RIMS4: variants seen among roughly 807,000 people sequenced by gnomAD.
RIMS4 encodes the protein regulating synaptic membrane exocytosis protein 4.
Under a neutral mutation model 29.0 loss-of-function variants are expected in RIMS4, and 9 were observed. The ratio of observed to expected loss-of-function variants is 0.31; its 90% CI spans 0.19 to 0.54. The LOEUF is 0.54. Ranked by LOEUF, RIMS4 falls within the 20% of genes least tolerant of loss-of-function variation. The pLI is 0.94. For synonymous variants in RIMS4, 130 were observed against 152.9 expected (o/e 0.85, Z 1.10); for missense variants, 193 against 365.7 (o/e 0.53, Z 3.85).
rs894986782 is a variant in RIMS4 at position 44,790,558 on chromosome 20, G to C, written c.98-19145C>G. ...TGAATGTCCGCGTCTATGTTTACCC[G>C]CTGCCACTCCAGGCTGTGACAATGC... On this transcript the variant is annotated intron_variant, in intron 1 of 5. Transcript: ENST00000372851. Among the ~76,000 whole-genome samples, 6 of 152,314 alleles carry C rather than the reference G, an allele frequency of 3.9e-5. No homozygotes were observed. In the South Asian group the frequency reaches 8.3e-4, roughly 21 times the overall value.
intron 2 of RIMS4, among the ~76,000 whole-genome samples, chr20:44,758,669 G>A (rs2066071337): frequency 6.6e-6 from 1 of 152,172 alleles, no homozygotes; most frequent in African/African-American, 2.4e-5. Flanking sequence ...CCTGAGACTG[G>A]GCCTCCAGCT....
Position 44,755,167 on chromosome 20 carries a change from G to A in RIMS4, c.*967C>T, listed in dbSNP as rs1035080134. ...CTCTATTTGCCTCCCCAGCCCCCTG[G>A]CCTGGAGGCAGGGTGGGTAGACAGG... On this transcript the variant is annotated 3_prime_UTR_variant, in exon 6 of 6. Transcript: ENST00000372851. 3.3e-5 allele frequency: 5 copies of A among 152,506 alleles called. No individual in the cohort carries two copies. Among genetic ancestry groups the A allele is most frequent in the African/African-American group, 1.2e-4 (5 of 41,420 alleles). The allele number at this position is 152,506 out of a possible 1,614,324, so 9.4% of individuals were successfully genotyped here. A position where few individuals can be genotyped will look rare whatever the true frequency, so the allele number is the denominator to read the frequency against.
At chr20:44,768,519 C>T (rs986142057) in intron 2 of RIMS4, among the ~76,000 whole-genome samples, 1 of 152,194 alleles carries the variant, frequency 6.6e-6, no homozygotes, top group African/African-American at 2.4e-5. Context: ...GCCCAAAATG[C>T]CTACAGAACA....
chr20:44,773,351 T>C (rs1380620629), intron 1 of RIMS4, among the ~76,000 whole-genome samples: 1 of 152,126 alleles, frequency 6.6e-6, no homozygotes, highest in Non-Finnish European at 1.5e-5. Context: ...TATTTCTCTG[T>C]GTACAGCAGG....
intron 1 of RIMS4, among the ~76,000 whole-genome samples, chr20:44,807,948 A>G (rs1205019511): frequency 6.6e-6 from 1 of 152,052 alleles, no homozygotes; most frequent in Non-Finnish European, 1.5e-5. Flanking sequence ...TCTACACAGT[A>G]AGGTCTGGAT....
At chr20:44,808,547 T>C (rs1215508456) in intron 1 of RIMS4, among the ~76,000 whole-genome samples, 5 of 152,214 alleles carry the variant, frequency 3.3e-5, no homozygotes, top group African/African-American at 1.2e-4. Context: ...AGAATAATAA[T>C]ACAACCTCCC....
Position 44,756,786 on chromosome 20 carries a change from C to T in RIMS4, c.591+112G>A. On this transcript the variant is annotated intron_variant, in intron 5 of 5. Coordinates refer to ENST00000372851, the MANE Select transcript of RIMS4 (RefSeq NM_182970.4). This position sits in a 1 kb window ranked among gnomAD's most constrained non-coding sequence, Gnocchi z 5.9. ...AACTGAGGGCCTCGCCTGTTTCCTC[C>T]AGGCGAGGCCCTCCAGAGACACCCC... is the stretch of plus-strand genomic sequence containing the variant. 9.7e-7 allele frequency: 1 copy of T among 1,035,594 alleles called. No homozygotes were observed. Among genetic ancestry groups the T allele is most frequent in the South Asian group, 2.3e-5 (1 of 43,816 alleles). 64.2% of individuals were successfully genotyped at this position (1,035,594 alleles called of 1,614,324 possible).
In RIMS4 at chr20:44,777,201, C is replaced by T. The variant is rs370470063; in HGVS notation, c.98-5788G>A. On this transcript the variant is annotated intron_variant, in intron 1 of 5. Coordinates refer to ENST00000372851, the MANE Select transcript of RIMS4 (RefSeq NM_182970.4). ...CTTCCATTCAGCACCAGGGATAGCGCCCACACTGCCCATCCCCACTGAAAG... is the reference window on the plus strand; with the variant it reads ...CTTCCATTCAGCACCAGGGATAGCGTCCACACTGCCCATCCCCACTGAAAG... Among the ~76,000 whole-genome samples the T allele has an allele frequency of 3.3e-5, 5 of 152,244 alleles. No homozygotes were observed. In the East Asian group the frequency reaches 9.6e-4, roughly 29 times the overall value.
intron 1 of RIMS4, among the ~76,000 whole-genome samples, chr20:44,772,537 G>C (rs2066141602): frequency 6.6e-6 from 1 of 152,182 alleles, no homozygotes; most frequent in Admixed American, 6.5e-5. Flanking sequence ...ACCCAAAACA[G>C]GAGGCACGGA....
rs1340653136 is a variant in RIMS4, at chr20:44,753,646, C to G, written c.*2488G>C. ...GGATGGGCTTGAAGCTTCTCCGAAGCTAATGATGAAAATGTCACTCTCCTC... is the reference window on the plus strand; with the variant it reads ...GGATGGGCTTGAAGCTTCTCCGAAGGTAATGATGAAAATGTCACTCTCCTC... On this transcript the variant is annotated 3_prime_UTR_variant, in exon 6 of 6. Coordinates refer to ENST00000372851, the MANE Select transcript of RIMS4 (RefSeq NM_182970.4). The G allele has an allele frequency of 1.3e-5, 2 of 152,570 alleles. No homozygotes were observed. Among genetic ancestry groups the G allele is most frequent in the East Asian group, 1.9e-4 (1 of 5,188 alleles). 9.5% of individuals were successfully genotyped at this position (152,570 alleles called of 1,614,324 possible). A position where few individuals can be genotyped will look rare whatever the true frequency, so the allele number is the denominator to read the frequency against.
intron 1 of RIMS4, among the ~76,000 whole-genome samples, chr20:44,794,071 A>C (rs1324887127): frequency 1.3e-5 from 2 of 152,144 alleles, no homozygotes; most frequent in African/African-American, 2.4e-5. Flanking sequence ...CCCTGTCTCT[A>C]AAAATAAAGG....
chr20:44,764,188 A>ATCCGTCCATCCC (rs1257081096), intron 2 of RIMS4, among the ~76,000 whole-genome samples: 4 of 9,696 alleles, frequency 4.1e-4, no homozygotes, highest in African/African-American at 9.1e-4. Context: ...CCATCCATCC[A>ATCCGTCCATCCC]TTTATCCATC....
intron 2 of RIMS4, among the ~76,000 whole-genome samples, chr20:44,763,967 T>C (rs905053460): frequency 2.7e-5 from 4 of 149,772 alleles, no homozygotes; most frequent in Non-Finnish European, 4.5e-5. Flanking sequence ...TCCATCCATT[T>C]ATCCATCCAT....
intron 1 of RIMS4, among the ~76,000 whole-genome samples, chr20:44,801,892 G>A (rs77303266): frequency 0.025 from 3,800 of 152,214 alleles, 57 homozygotes; most frequent in Middle Eastern, 0.1. Context: ...GATATCCCAC[G>A]TTGGCAAGAC....
intron 1 of RIMS4, among the ~76,000 whole-genome samples, chr20:44,804,534 C>T (rs549868777): frequency 1.5e-4 from 23 of 152,230 alleles, no homozygotes; most frequent in East Asian, 5.8e-4. Context: ...ATGGTTGCTA[C>T]GGCCATAAAG....
At chr20:44,772,875 C>A (rs745877306) in intron 1 of RIMS4, among the ~76,000 whole-genome samples, 2 of 152,194 alleles carry the variant, frequency 1.3e-5, no homozygotes. Flanking sequence ...CTCCCGCCGG[C>A]CTTCTCCTGG....
intron 2 of RIMS4, among the ~76,000 whole-genome samples, 188 bp from the exon 3 acceptor site, chr20:44,758,372 C>A (rs1163044756): frequency 6.6e-6 from 1 of 152,202 alleles, no homozygotes; most frequent in Non-Finnish European, 1.5e-5. Flanking sequence ...CAGAGACCAG[C>A]AGCATCAGCA....
chr20:44,809,881 G>C (rs765710036), intron 1 of RIMS4, among the ~76,000 whole-genome samples: 30 of 152,064 alleles, frequency 2.0e-4, no homozygotes, highest in Non-Finnish European at 4.1e-4. Context: ...TCGGCTCCAG[G>C]GACGAGGCAA....
At chr20:44,790,647 A>T (rs2066228950) in intron 1 of RIMS4, among the ~76,000 whole-genome samples, 1 of 152,216 alleles carries the variant, frequency 6.6e-6, no homozygotes, top group Non-Finnish European at 1.5e-5. Context: ...GTGCTCACTA[A>T]ACATCTGCAG....
Sources: allele counts gnomAD v4.1 joint callset (sites outside exome capture counted in the v4.1 genomes callset), GRCh38; gene constraint gnomAD v4.1.1; non-coding constraint Gnocchi (gnomAD v3.1); transcripts MANE v1.5; gene names NCBI Gene and HGNC (gene_info 2026-07-23, HGNC 2026-07-21).